Variants in CCSER1 observed in about 807,000 individuals in gnomAD.
CCSER1 encodes the protein serine-rich coiled-coil domain-containing protein 1.
Under a neutral mutation model 82.0 loss-of-function variants are expected in CCSER1, and 41 were observed. The ratio of observed to expected loss-of-function variants is 0.50; its 90% CI spans 0.39 to 0.65. The LOEUF (loss-of-function observed/expected upper bound fraction) is 0.65, where lower values mean the gene tolerates loss of function less well. CCSER1 is among the 30% of genes least tolerant of loss of function. The pLI is 0.00. For synonymous variants in CCSER1, 414 were observed against 383.9 expected (o/e 1.08, Z -0.92); for missense variants, 1,119 against 1,064.2 (o/e 1.05, Z -0.72).
At chr4:91,236,144 T>A (rs1032656855) in intron 10 of CCSER1, among the ~76,000 whole-genome samples, 2 of 152,204 alleles carry the variant, frequency 1.3e-5, no homozygotes, top group Admixed American at 1.3e-4. Flanking sequence ...TAATTTCTAC[T>A]TTGTCCAAAT....
At chr4:90,225,674 T>A (rs1205467383) in intron 1 of CCSER1, among the ~76,000 whole-genome samples, 2 of 152,194 alleles carry the variant, frequency 1.3e-5, no homozygotes, top group Non-Finnish European at 2.9e-5. Flanking sequence ...GATTTGTCTC[T>A]CCTGCTTTTG....
At chr4:91,354,788 A>G (rs902334861) in intron 10 of CCSER1, among the ~76,000 whole-genome samples, 1 of 152,226 alleles carries the variant, frequency 6.6e-6, no homozygotes, top group South Asian at 2.1e-4. Context: ...TTCCACAAAC[A>G]TAACATGAAG....
At chr4:90,889,772 C>G (rs1722693576) in intron 8 of CCSER1, among the ~76,000 whole-genome samples, 1 of 152,110 alleles carries the variant, frequency 6.6e-6, no homozygotes, top group Admixed American at 6.5e-5. Context: ...TACATTCTAA[C>G]AAGATATATG....
intron 4 of CCSER1, among the ~76,000 whole-genome samples, chr4:90,434,884 C>G (rs1758796108): frequency 6.6e-6 from 1 of 152,082 alleles, no homozygotes. Flanking sequence ...TTGTTAAATC[C>G]TTTTCCCCAC....
chr4:90,844,043 A>C (rs1762892133), intron 8 of CCSER1, among the ~76,000 whole-genome samples: 1 of 151,994 alleles, frequency 6.6e-6, no homozygotes, highest in African/African-American at 2.4e-5. Context: ...CACACTATAC[A>C]TTCTCCAATA....
rs528932044 is a variant in CCSER1, at chr4:91,482,344, G to A, written c.2218-116228G>A. On this transcript the variant is annotated intron_variant, in intron 10 of 10. Coordinates refer to ENST00000509176, the MANE Select transcript of CCSER1 (RefSeq NM_001145065.2). Reference sequence around the variant, plus strand: ...GTGAACCCGGGAAGCGGAGCTTGCAGTGAGCCGAGATTGCGCCACTGCAGT... The same window carrying A: ...GTGAACCCGGGAAGCGGAGCTTGCAATGAGCCGAGATTGCGCCACTGCAGT... 4.9e-4 allele frequency among the ~76,000 whole-genome samples: 41 copies of A among 83,518 alleles called. 1 individual carries two copies. In the South Asian group the frequency reaches 0.014, roughly 28 times the overall value. 54.8% of individuals were successfully genotyped at this position (83,518 alleles called of 152,430 possible).
chr4:91,197,120 G>C (rs1450374273), intron 10 of CCSER1, among the ~76,000 whole-genome samples: 2 of 152,222 alleles, frequency 1.3e-5, no homozygotes, highest in African/African-American at 4.8e-5. Context: ...CAAGGGGGCA[G>C]TGTCGTTCAG....
chr4:90,547,594 T>G (rs1204548237), intron 5 of CCSER1, among the ~76,000 whole-genome samples: 3 of 152,126 alleles, frequency 2.0e-5, no homozygotes, highest in Non-Finnish European at 4.4e-5. Flanking sequence ...ACTCTATGTC[T>G]TATCCTTTCA....
At chr4:91,362,540 C>T (rs4128704) in intron 10 of CCSER1, among the ~76,000 whole-genome samples, 42,128 of 151,378 alleles carry the variant, frequency 0.28, 6,637 homozygotes, top group Middle Eastern at 0.45. Flanking sequence ...TTTATATTAC[C>T]CTTTCTACTA....
intron 10 of CCSER1, among the ~76,000 whole-genome samples, chr4:91,440,352 C>T (rs1755032805): frequency 6.6e-6 from 1 of 152,122 alleles, no homozygotes; most frequent in South Asian, 2.1e-4. Context: ...GAACAATCTG[C>T]TCCTGAATGA....
intron 3 of CCSER1, among the ~76,000 whole-genome samples, chr4:90,350,214 G>A (rs17016859): frequency 0.057 from 8,740 of 152,068 alleles, 343 homozygotes; most frequent in East Asian, 0.19. Flanking sequence ...TAGAGAAGAC[G>A]AATATGAACT....
At chr4:91,549,027 G>T (rs1245941488) in intron 10 of CCSER1, among the ~76,000 whole-genome samples, 1 of 151,700 alleles carries the variant, frequency 6.6e-6, no homozygotes, top group East Asian at 1.9e-4. Flanking sequence ...CACAGTTCTT[G>T]GACATTCTTT....
At chr4:90,483,925 G>T (rs966647768) in intron 5 of CCSER1, among the ~76,000 whole-genome samples, 1 of 152,124 alleles carries the variant, frequency 6.6e-6, no homozygotes. Flanking sequence ...GGCCTGCCTT[G>T]CTAGATTGGG....
chr4:91,217,976 T>G (rs1382412167), intron 10 of CCSER1, among the ~76,000 whole-genome samples: 1 of 152,220 alleles, frequency 6.6e-6, no homozygotes, highest in African/African-American at 2.4e-5. Flanking sequence ...CTCGCATTCC[T>G]CAGCCCTTGG....
At chr4:90,933,117 A>G (rs1294423343) in intron 9 of CCSER1, among the ~76,000 whole-genome samples, 1 of 148,062 alleles carries the variant, frequency 6.8e-6, no homozygotes, top group East Asian at 2.0e-4. Context: ...TGTTGTTCCA[A>G]AAATGTTACC....
intron 9 of CCSER1, among the ~76,000 whole-genome samples, chr4:90,956,603 G>T (rs538651308): frequency 1.4e-4 from 22 of 152,144 alleles, no homozygotes; most frequent in Admixed American, 3.9e-4. Context: ...ATAGAGAAAA[G>T]AATTTGTATT....
Position 91,225,276 on chromosome 4 carries a change from T to TTTATATATGTAATATATATGTATATATA in CCSER1, c.2217+139359_2217+139386dup, listed in dbSNP as rs70965477. ...TATACATGTATATAATTATATACAT[T>TTTATATATGTAATATATATGTATATATA]TTATATATGTAATATATATGTATAT... On this transcript the variant is annotated intron_variant, in intron 10 of 10. Transcript: ENST00000509176. Among the ~76,000 whole-genome samples the TTTATATATGTAATATATATGTATATATA allele has an allele frequency of 8.3e-4, 78 of 94,334 alleles. 8 individuals are homozygous for TTTATATATGTAATATATATGTATATATA. The highest frequency in any genetic ancestry group is 1.4e-3 in the African/African-American group (33 of 24,240). The allele number at this position is 94,334 out of a possible 152,430, so 61.9% of individuals were successfully genotyped here. A position where few individuals can be genotyped will look rare whatever the true frequency, so the allele number is the denominator to read the frequency against.
At chr4:90,845,807 G>GC (rs1175938902) in intron 8 of CCSER1, among the ~76,000 whole-genome samples, 2 of 141,486 alleles carry the variant, frequency 1.4e-5, no homozygotes, top group Non-Finnish European at 3.1e-5. Context: ...TTTCAACTGT[G>GC]AAAAAAAAAA....
chr4:90,458,735 A>T (rs1467076777), intron 4 of CCSER1, among the ~76,000 whole-genome samples: 1 of 152,180 alleles, frequency 6.6e-6, no homozygotes, highest in African/African-American at 2.4e-5. Flanking sequence ...CTTCTATGTG[A>T]ACTACTTAGA....
Sources: allele counts gnomAD v4.1 joint callset (sites outside exome capture counted in the v4.1 genomes callset), GRCh38; gene constraint gnomAD v4.1.1; transcripts MANE v1.5; gene names NCBI Gene and HGNC (gene_info 2026-07-23, HGNC 2026-07-21).